The following NOP16 variants were observed in gnomAD, a reference collection of about 807,000 sequenced individuals.
The protein encoded by NOP16 is NOP16 nucleolar protein.
In NOP16, 14 loss-of-function variants were observed where a neutral mutation model predicts 22.7. The observed-to-expected ratio is 0.62, with a 90% CI of 0.41 to 0.97. The LOEUF (loss-of-function observed/expected upper bound fraction) is 0.97. Ranked by LOEUF, NOP16 falls within the 50% of genes least tolerant of loss-of-function variation. The pLI is 0.00. For missense variants in NOP16, 198 were observed against 235.9 expected (o/e 0.84, Z 1.05); for synonymous variants, 80 against 83.6 (o/e 0.96, Z 0.23).
At position 176,388,447 on chromosome 5, in the gene NOP16, C is replaced by T. The variant is rs1306244171; in HGVS notation, c.93G>A (p.Ala31=). Residue 31 remains alanine (A), a synonymous_variant, in exon 1 of 5, where the codon GCG becomes GCA. Coordinates refer to ENST00000614830, the MANE Select transcript of NOP16 (RefSeq NM_016391.8). The part of the protein sequence containing the change: ...RLNRNARRKA[A]PRIECSHIRH... ...AGCCCCCTCACCATTCGATCCGCGGCGCTGCCTTCCGTCGAGCATTCCGGT... is the reference window on the plus strand; with the variant it reads ...AGCCCCCTCACCATTCGATCCGCGGTGCTGCCTTCCGTCGAGCATTCCGGT... 5 of 1,614,070 alleles carry T rather than the reference C, an allele frequency of 3.1e-6. No homozygotes were observed. The highest frequency in any genetic ancestry group is 4.2e-6 in the Non-Finnish European group (5 of 1,180,024).
intron 3 of NOP16, chr5:176,386,194 T>A (rs1037277227): frequency 3.8e-5 from 6 of 155,890 alleles, no homozygotes; most frequent in African/African-American, 1.2e-4. Flanking sequence ...TTAAAATTTT[T>A]AAAAATGTTC....
At position 176,388,244 on chromosome 5, in the gene NOP16, A is replaced by C. The variant is rs756891138; in HGVS notation, c.207T>G (p.Arg69=). ...AVDPNRAVPL[R]KRKVKAMEVD... ...CCTGCCATGTCAGTACCTTTCTCTT[A>C]CGGAGGGGCACCGCCCTGTTGGGGT... The change falls in exon 2 of 5, where the codon CGT becomes CGG. Residue 69 remains arginine (R), a synonymous_variant. Coordinates refer to ENST00000614830, the MANE Select transcript of NOP16 (RefSeq NM_016391.8). 1 of 1,611,194 alleles carries C rather than the reference A, an allele frequency of 6.2e-7. No homozygotes were observed. Among genetic ancestry groups the C allele is most frequent in the Non-Finnish European group, 8.5e-7 (1 of 1,177,470 alleles).
intron 2 of NOP16, 75 bp from the exon 3 acceptor site, chr5:176,386,984 A>G (rs756946627): frequency 2.5e-5 from 32 of 1,270,618 alleles, no homozygotes; most frequent in South Asian, 1.1e-4. Flanking sequence ...TTATCCCAAC[A>G]CAACTACTAA....
Position 176,385,451 on chromosome 5 carries a change from G to T in NOP16, c.287-124C>A, listed in dbSNP as rs995324308. 1.1e-5 allele frequency: 7 copies of T among 641,506 alleles called. No individual in the cohort carries two copies. In the South Asian group the frequency reaches 1.3e-4, roughly 12 times the overall value. The allele number at this position is 641,506 out of a possible 1,614,324, so 39.7% of individuals were successfully genotyped here. On this transcript the variant is annotated intron_variant, in intron 3 of 4. Coordinates refer to ENST00000614830, the MANE Select transcript of NOP16 (RefSeq NM_016391.8). ...GACCCACCACACCAACCACCTGGGG[G>T]TCTTTGCCTCCCCATTCCCAAATCC...
chr5:176,386,794 C>T, intron 3 of NOP16, 46 bp downstream of exon 3: 1 of 1,545,566 alleles, frequency 6.5e-7, no homozygotes, highest in Admixed American at 1.7e-5. Flanking sequence ...CCCAGCTTCC[C>T]ACAGTGCAGG....
intron 2 of NOP16, among the ~76,000 whole-genome samples, chr5:176,387,293 C>T (rs994168903): frequency 1.3e-5 from 2 of 152,158 alleles, no homozygotes; most frequent in Middle Eastern, 3.4e-3. Context: ...TTGGCCAGGC[C>T]GGTCTCAAAC....
chr5:176,387,028 G>A, intron 2 of NOP16, 119 bp from the exon 3 acceptor site: 1 of 819,828 alleles, frequency 1.2e-6, no homozygotes, highest in Non-Finnish European at 2.1e-6. Flanking sequence ...TTAGGTAGAA[G>A]TAGGTAACAA....
chr5:176,386,113 A>C (rs1655312840), intron 3 of NOP16: 1 of 153,428 alleles, frequency 6.5e-6, no homozygotes, highest in Non-Finnish European at 1.5e-5. Context: ...CAACAAAGTC[A>C]ATATCCTTTA....
chr5:176,387,090 CTTTT>C, intron 2 of NOP16, 181 bp from the exon 3 acceptor site: 1 of 565,018 alleles, frequency 1.8e-6, no homozygotes, highest in Non-Finnish European at 3.1e-6. Flanking sequence ...TTTTTTTTTT[CTTTT>C]TCTTTTTGAG....
At chr5:176,386,696 C>T (rs1476156484) in intron 3 of NOP16, 144 bp downstream of exon 3, 1 of 769,636 alleles carries the variant, frequency 1.3e-6, no homozygotes, top group East Asian at 2.5e-5. Context: ...AGGACACAGT[C>T]CTAACTCTGT....
At chr5:176,385,430 C>G (rs1442814988) in intron 3 of NOP16, 103 bp from the exon 4 acceptor site, 1 of 720,198 alleles carries the variant, frequency 1.4e-6, no homozygotes, top group African/African-American at 1.7e-5. Context: ...CCACAAGACC[C>G]ACCACACCAA....
chr5:176,386,654 G>T, intron 3 of NOP16, 186 bp downstream of exon 3: 1 of 694,864 alleles, frequency 1.4e-6, no homozygotes, highest in Non-Finnish European at 2.7e-6. Flanking sequence ...TAAGGTCAGG[G>T]TTTAGTCAGT....
intron 3 of NOP16, 102 bp from the exon 4 acceptor site, chr5:176,385,429 C>T: frequency 4.2e-6 from 3 of 720,286 alleles, no homozygotes; most frequent in South Asian, 1.6e-5. Flanking sequence ...GCCACAAGAC[C>T]CACCACACCA....
At chr5:176,388,160 A>G in intron 2 of NOP16, 75 bp downstream of exon 2, 1 of 1,123,592 alleles carries the variant, frequency 8.9e-7, no homozygotes, top group South Asian at 1.3e-5. Context: ...GGGCAGTACC[A>G]CGTTCTGACA....
intron 4 of NOP16, 159 bp from the exon 5 acceptor site, chr5:176,384,533 TC>T (rs1377062835): frequency 7.1e-6 from 5 of 703,082 alleles, no homozygotes; most frequent in Non-Finnish European, 1.2e-5. Flanking sequence ...ATGCCTGTAA[TC>T]CCAACACTCT....
Position 176,388,582 on chromosome 5 carries a change from T to A in NOP16, c.-43A>T. The A allele has an allele frequency of 1.3e-6, 2 of 1,549,648 alleles. No individual in the cohort carries two copies. Among genetic ancestry groups the A allele is most frequent in the South Asian group, 2.3e-5 (2 of 88,262 alleles). ...CAGCAGCTCAAACACGCTGCCTCTG[T>A]CTCTCAGACCTCGTGTAACAAACTC... On this transcript the variant is annotated 5_prime_UTR_variant, in exon 1 of 5. Coordinates refer to ENST00000614830, the MANE Select transcript of NOP16 (RefSeq NM_016391.8).
rs144806329 is a variant in NOP16, at chr5:176,386,586, A to G, written c.286+254T>C. The G allele has an allele frequency of 8.9e-4, 499 of 561,198 alleles. 3 individuals carry two copies. Among genetic ancestry groups the G allele is most frequent in the African/African-American group, 8.4e-3 (452 of 53,680 alleles). The allele number at this position is 561,198 out of a possible 1,614,324, so 34.8% of individuals were successfully genotyped here. A position where few individuals can be genotyped will look rare whatever the true frequency, so the allele number is the denominator to read the frequency against. ...CCAGAGATTTACTGGTTTCTCTTCT[A>G]TTCTCCCAGGCACCTGGGTACATCC... On this transcript the variant is annotated intron_variant, in intron 3 of 4. Coordinates refer to ENST00000614830, the MANE Select transcript of NOP16 (RefSeq NM_016391.8).
At chr5:176,387,593 T>C (rs578197037) in intron 2 of NOP16, among the ~76,000 whole-genome samples, 29 of 150,400 alleles carry the variant, frequency 1.9e-4, no homozygotes, top group African/African-American at 6.7e-4. Context: ...GTTATACCCA[T>C]TTTATAGATA....
At chr5:176,384,426 TCTGAACTCATC>T (rs1755668041) in intron 4 of NOP16, 52 bp from the exon 5 acceptor site, 1 of 1,549,470 alleles carries the variant, frequency 6.5e-7, no homozygotes, top group Admixed American at 1.8e-5. Flanking sequence ...AAGGCTCAAA[TCTGAACTCATC>T]CTGAATTAGG....
Sources: allele counts gnomAD v4.1 joint callset (sites outside exome capture counted in the v4.1 genomes callset), GRCh38; gene constraint gnomAD v4.1.1; transcripts MANE v1.5; gene names NCBI Gene and HGNC (gene_info 2026-07-23, HGNC 2026-07-21).